DESI2: variants seen among roughly 807,000 people sequenced by gnomAD.
The protein encoded by DESI2 is desumoylating isopeptidase 2, also known as deubiquitinase DESI2.
A neutral mutation model predicts 24.1 loss-of-function variants in DESI2; 10 were observed. The observed-to-expected ratio is 0.41, with a 90% CI of 0.26 to 0.70. The LOEUF is 0.70. DESI2 is among the 30% of genes least tolerant of loss of function. The pLI is 0.29. For synonymous variants in DESI2, 71 were observed against 87.7 expected (o/e 0.81, Z 1.06); for missense variants, 122 against 234.9 (o/e 0.52, Z 3.14).
chr1:244,684,616 A>G (rs1326951841), intron 1 of DESI2, among the ~76,000 whole-genome samples: 1 of 152,082 alleles, frequency 6.6e-6, no homozygotes, highest in Non-Finnish European at 1.5e-5. Flanking sequence ...AATCTCAGCT[A>G]ATTTTCCCAA....
At chr1:244,702,655 T>G (rs1189245425) in intron 4 of DESI2, among the ~76,000 whole-genome samples, 1 of 152,186 alleles carries the variant, frequency 6.6e-6, no homozygotes, top group Non-Finnish European at 1.5e-5. Context: ...CTAAGAGGTA[T>G]AGGGGATACA....
At chr1:244,697,476 CAA>C (rs60674613) in intron 4 of DESI2, among the ~76,000 whole-genome samples, 30,462 of 119,068 alleles carry the variant, frequency 0.26, 2,886 homozygotes, top group South Asian at 0.34. Context: ...GCCTCTGTCT[CAA>C]AAAAAAAAAA....
intron 1 of DESI2, among the ~76,000 whole-genome samples, chr1:244,673,964 T>G (rs1235817951): frequency 6.6e-6 from 1 of 150,822 alleles, no homozygotes; most frequent in East Asian, 1.9e-4. Flanking sequence ...TGGGACAAGT[T>G]AATAGATTTA....
intron 1 of DESI2, among the ~76,000 whole-genome samples, chr1:244,656,072 C>T (rs1444643280): frequency 6.6e-6 from 1 of 152,134 alleles, no homozygotes; most frequent in Non-Finnish European, 1.5e-5. Flanking sequence ...TTCCTTTTAT[C>T]TTTGGTAATT....
chr1:244,663,843 C>G (rs1675941853), intron 1 of DESI2, among the ~76,000 whole-genome samples: 1 of 151,634 alleles, frequency 6.6e-6, no homozygotes. Context: ...ACGGTGAAAC[C>G]CCATCTCTGC....
intron 1 of DESI2, among the ~76,000 whole-genome samples, chr1:244,658,006 A>G (rs945444574): frequency 6.6e-6 from 1 of 152,178 alleles, no homozygotes; most frequent in African/African-American, 2.4e-5. Flanking sequence ...TGGCAGTTTG[A>G]TGGGAACCTA....
intron 4 of DESI2, among the ~76,000 whole-genome samples, chr1:244,699,953 C>T (rs1558668956): frequency 1.3e-5 from 2 of 152,222 alleles, no homozygotes; most frequent in African/African-American, 2.4e-5. Flanking sequence ...ACTTCCCACA[C>T]GGAACACCTC....
At position 244,689,361 on chromosome 1, in the gene DESI2, T is replaced by C; in HGVS notation, c.209+19T>C. 1 of 1,181,202 alleles carries C rather than the reference T, an allele frequency of 8.5e-7. No individual in the cohort carries two copies. The allele number at this position is 1,181,202 out of a possible 1,614,324, so 73.2% of individuals were successfully genotyped here. ...AATTTAAGTAAGTAGGGAGGATAAT[T>C]TTTATTACACTGTCTTAGGTGCCAT... On this transcript the variant is annotated intron_variant, in intron 3 of 4. Coordinates refer to ENST00000302550, the MANE Select transcript of DESI2 (RefSeq NM_016076.5). The surrounding 1 kb of genome is among the most constrained non-coding windows in gnomAD (Gnocchi z 4.0).
At chr1:244,655,542 TTTC>T (rs1175625891) in intron 1 of DESI2, among the ~76,000 whole-genome samples, 1 of 152,234 alleles carries the variant, frequency 6.6e-6, no homozygotes, top group African/African-American at 2.4e-5. Flanking sequence ...TTAACTGTCC[TTTC>T]TTCTTTAAGG....
At chr1:244,653,580 G>T in intron 1 of DESI2, 1 of 526,092 alleles carries the variant, frequency 1.9e-6, no homozygotes, top group Non-Finnish European at 3.2e-6. Context: ...CCAAAGCTCG[G>T]GTGGGCTTGA....
chr1:244,653,227 C>A lies in DESI2; in HGVS notation c.-87C>A. On this transcript the variant is annotated 5_prime_UTR_variant, in exon 1 of 5. Coordinates refer to ENST00000302550, the MANE Select transcript of DESI2 (RefSeq NM_016076.5). ...TACGCTTAGTGCCCGGCTCAGGCCC[C>A]CTGAAGCGCCCGCGGGGGTGAGAGC... 7.2e-7 allele frequency: 1 copy of A among 1,380,012 alleles called. No homozygotes were observed. Among genetic ancestry groups the A allele is most frequent in the Non-Finnish European group, 9.5e-7 (1 of 1,049,642 alleles). The allele number at this position is 1,380,012 out of a possible 1,614,324, so 85.5% of individuals were successfully genotyped here. A position where few individuals can be genotyped will look rare whatever the true frequency, so the allele number is the denominator to read the frequency against.
At chr1:244,694,752 ATT>A in intron 4 of DESI2, 1 of 604,794 alleles carries the variant, frequency 1.7e-6, no homozygotes, top group Non-Finnish European at 3.0e-6. Context: ...AGAGAGATTC[ATT>A]AAGTTTTATT....
intron 4 of DESI2, chr1:244,694,438 A>T (rs1677138105): frequency 2.6e-6 from 2 of 760,428 alleles, no homozygotes; most frequent in Non-Finnish European, 4.8e-6. Context: ...TCTTAAGATG[A>T]ACTGGATGCT....
In DESI2 at chr1:244,707,646, A is replaced by G. The variant is rs561332363; in HGVS notation, c.*1857A>G. On this transcript the variant is annotated 3_prime_UTR_variant, in exon 5 of 5. Coordinates refer to ENST00000302550, the MANE Select transcript of DESI2 (RefSeq NM_016076.5). The stretch of plus-strand genomic sequence containing the variant: ...ATACAGTTTGCTTGTAATATTTTTA[A>G]TAATGTGAGGAGTACAGTGTTTTCT... 6.6e-6 allele frequency: 1 copy of G among 152,352 alleles called. No homozygotes were observed. Among genetic ancestry groups the G allele is most frequent in the South Asian group, 2.1e-4 (1 of 4,832 alleles). 9.4% of individuals were successfully genotyped at this position (152,352 alleles called of 1,614,324 possible).
intron 1 of DESI2, among the ~76,000 whole-genome samples, chr1:244,681,590 C>G (rs1225249327): frequency 6.6e-6 from 1 of 152,180 alleles, no homozygotes; most frequent in East Asian, 1.9e-4. Context: ...AGATCTCTTG[C>G]ATCCACAGCT....
chr1:244,663,060 T>C (rs769996747), intron 1 of DESI2, among the ~76,000 whole-genome samples: 42 of 152,066 alleles, frequency 2.8e-4, no homozygotes, highest in Admixed American at 7.9e-4. Flanking sequence ...GATTGGGAAC[T>C]AAAGAGAAAA....
intron 4 of DESI2, among the ~76,000 whole-genome samples, chr1:244,697,957 C>G (rs1396162989): frequency 1.3e-5 from 2 of 152,188 alleles, no homozygotes; most frequent in African/African-American, 4.8e-5. Context: ...CAACCCCATT[C>G]CAGATAGGGT....
chr1:244,658,160 C>T (rs570165998), intron 1 of DESI2, among the ~76,000 whole-genome samples: 1 of 152,208 alleles, frequency 6.6e-6, no homozygotes, highest in South Asian at 2.1e-4. Context: ...AGTATTACTT[C>T]ATTTTAATCC....
chr1:244,665,202 C>G (rs1186971013), intron 1 of DESI2, among the ~76,000 whole-genome samples: 1 of 151,668 alleles, frequency 6.6e-6, no homozygotes, highest in African/African-American at 2.4e-5. Context: ...TGCCACTATA[C>G]TAAGCCATTT....
Sources: allele counts gnomAD v4.1 joint callset (sites outside exome capture counted in the v4.1 genomes callset), GRCh38; gene constraint gnomAD v4.1.1; non-coding constraint Gnocchi (gnomAD v3.1); transcripts MANE v1.5; gene names NCBI Gene and HGNC (gene_info 2026-07-23, HGNC 2026-07-21).